DLG2: variants seen among roughly 807,000 people sequenced by gnomAD.
The protein encoded by DLG2 is discs large MAGUK scaffold protein 2, also known as disks large homolog 2.
DLG2 carries 45 observed loss-of-function variants against 132.5 expected under a neutral mutation model. The ratio of observed to expected loss-of-function variants is 0.34; its 90% CI spans 0.27 to 0.44. The LOEUF (loss-of-function observed/expected upper bound fraction) is 0.44. DLG2 is among the 20% of genes least tolerant of loss of function. The pLI is 1.00. For synonymous variants in DLG2, 424 were observed against 419.6 expected (o/e 1.01, Z -0.13); for missense variants, 1,045 against 1,196.9 (o/e 0.87, Z 1.87).
intron 19 of DLG2, among the ~76,000 whole-genome samples, chr11:83,573,854 C>G (rs778839919): frequency 6.6e-6 from 1 of 152,126 alleles, no homozygotes; most frequent in Non-Finnish European, 1.5e-5. Flanking sequence ...CAATTTACAA[C>G]AGTGCTTCGA....
At chr11:83,874,067 A>G (rs2064032886) in intron 16 of DLG2, among the ~76,000 whole-genome samples, 1 of 152,008 alleles carries the variant, frequency 6.6e-6, no homozygotes, top group Non-Finnish European at 1.5e-5. Context: ...AGTTTCCTAG[A>G]TATTTGCTGA....
Position 83,820,155 on chromosome 11 carries a change from T to G in DLG2, c.1722+13459A>C, listed in dbSNP as rs534648472. ...AAATCTTTTACTGCCATCTTGTGGA[T>G]TTTTAGGAAATAATCCCAGTCACTA... is the stretch of plus-strand genomic sequence containing the variant. On this transcript the variant is annotated intron_variant, in intron 17 of 27. Transcript: ENST00000376104. 1.8e-4 allele frequency among the ~76,000 whole-genome samples: 27 copies of G among 152,274 alleles called. No individual in the cohort carries two copies. In the East Asian group the frequency reaches 2.1e-3, roughly 12 times the overall value.
chr11:85,004,685 T>C (rs1263643465), intron 6 of DLG2, among the ~76,000 whole-genome samples: 1 of 152,162 alleles, frequency 6.6e-6, no homozygotes, highest in Non-Finnish European at 1.5e-5. Context: ...ACTCTGATAA[T>C]AGTTTTTTTT....
chr11:85,348,112 A>G (rs1308293332), intron 3 of DLG2, among the ~76,000 whole-genome samples: 1 of 150,090 alleles, frequency 6.7e-6, no homozygotes, highest in Non-Finnish European at 1.5e-5. Context: ...CAGCCTCTCA[A>G]ATAGCTGGGA....
At chr11:83,762,604 G>A (rs138742830) in intron 18 of DLG2, among the ~76,000 whole-genome samples, 1,527 of 149,624 alleles carry the variant, frequency 0.01, 25 homozygotes, top group African/African-American at 0.033. Context: ...TTTTTGAGAC[G>A]GAGTCTTGCT....
chr11:85,212,052 T>C (rs1221316244), intron 4 of DLG2, among the ~76,000 whole-genome samples: 1 of 152,112 alleles, frequency 6.6e-6, no homozygotes, highest in African/African-American at 2.4e-5. Context: ...TTATCTATTA[T>C]CTTACACTCC....
intron 15 of DLG2, among the ~76,000 whole-genome samples, chr11:83,885,657 A>G (rs999700326): frequency 6.6e-6 from 1 of 152,188 alleles, no homozygotes; most frequent in African/African-American, 2.4e-5. Flanking sequence ...CAGATTCACC[A>G]AAGTTGAAAT....
At chr11:84,838,930 T>C (rs772647682) in intron 6 of DLG2, among the ~76,000 whole-genome samples, 13 of 152,024 alleles carry the variant, frequency 8.6e-5, no homozygotes, top group East Asian at 5.8e-4. Flanking sequence ...TGAAAACTGG[T>C]ACAAGACAGG....
chr11:85,347,560 C>G (rs2082935313), intron 3 of DLG2, among the ~76,000 whole-genome samples: 1 of 152,078 alleles, frequency 6.6e-6, no homozygotes, highest in Non-Finnish European at 1.5e-5. Context: ...CCCCTCTCCT[C>G]TGTCCCCTAT....
intron 10 of DLG2, among the ~76,000 whole-genome samples, chr11:84,073,828 A>G (rs888484249): frequency 2.0e-5 from 3 of 152,208 alleles, no homozygotes; most frequent in Non-Finnish European, 2.9e-5. Context: ...TTCATTTACC[A>G]TGACTATAAC....
chr11:85,179,959 G>T (rs1201452569), intron 4 of DLG2, among the ~76,000 whole-genome samples: 1 of 151,806 alleles, frequency 6.6e-6, no homozygotes, highest in African/African-American at 2.4e-5. Flanking sequence ...ATTGTCCAAG[G>T]ACACACAGCT....
At chr11:85,108,007 A>C (rs76971119) in intron 6 of DLG2, among the ~76,000 whole-genome samples, 10 of 142,342 alleles carry the variant, frequency 7.0e-5, no homozygotes, top group Non-Finnish European at 1.1e-4. Context: ...CAAACAAATA[A>C]ACACACACAC....
chr11:84,545,158 A>G, intron 6 of DLG2: 1 of 454,854 alleles, frequency 2.2e-6, no homozygotes, highest in Non-Finnish European at 4.3e-6. Context: ...GCCATGGCTA[A>G]TGCTGCTACT....
chr11:83,644,818 G>A (rs962736157), intron 18 of DLG2, among the ~76,000 whole-genome samples: 6 of 152,030 alleles, frequency 3.9e-5, no homozygotes, highest in African/African-American at 1.2e-4. Context: ...AGAACTCCCT[G>A]GTTGTACATG....
intron 7 of DLG2, among the ~76,000 whole-genome samples, chr11:84,350,832 TG>T (rs1290802495): frequency 1.3e-4 from 20 of 152,230 alleles, no homozygotes; most frequent in Admixed American, 3.3e-4. Context: ...CTAAATAATT[TG>T]TTCTTCATCT....
At chr11:85,412,760 C>CACACATATAT (rs756868795) in intron 3 of DLG2, among the ~76,000 whole-genome samples, 51 of 113,270 alleles carry the variant, frequency 4.5e-4, no homozygotes, top group Middle Eastern at 4.5e-3. Flanking sequence ...CACACACACA[C>CACACATATAT]ATATATATAT....
chr11:85,055,365 C>T (rs2063344012), intron 6 of DLG2, among the ~76,000 whole-genome samples: 1 of 152,124 alleles, frequency 6.6e-6, no homozygotes, highest in African/African-American at 2.4e-5. Context: ...TATTTGAAGT[C>T]ATAAACAAGT....
chr11:84,095,091 C>G (rs2097147700), intron 10 of DLG2, among the ~76,000 whole-genome samples: 1 of 150,936 alleles, frequency 6.6e-6, no homozygotes, highest in Non-Finnish European at 1.5e-5. Context: ...AAAATAGGGA[C>G]AGGAAACTTA....
intron 16 of DLG2, among the ~76,000 whole-genome samples, chr11:83,850,763 C>T (rs1443915410): frequency 6.6e-6 from 1 of 152,134 alleles, no homozygotes; most frequent in African/African-American, 2.4e-5. Flanking sequence ...CAAGGTTTGG[C>T]CAGCAGCTAC....
Sources: allele counts gnomAD v4.1 joint callset (sites outside exome capture counted in the v4.1 genomes callset), GRCh38; gene constraint gnomAD v4.1.1; transcripts MANE v1.5; gene names NCBI Gene and HGNC (gene_info 2026-07-23, HGNC 2026-07-21).